The following BCL7C variants were observed in gnomAD, a reference collection of about 807,000 sequenced individuals.
The protein encoded by BCL7C is B-cell CLL/lymphoma 7 protein family member C.
In BCL7C, 8 loss-of-function variants were observed where a neutral mutation model predicts 26.2. That is an observed-to-expected ratio of 0.30 (90% CI 0.18 to 0.55). The LOEUF (loss-of-function observed/expected upper bound fraction) is 0.55, where lower values mean the gene tolerates loss of function less well. Among genes scored for constraint, BCL7C ranks in the 20% least tolerant of loss-of-function variants. The probability of loss-of-function intolerance (pLI) is 0.93; values close to 1 mark genes in which losing one functional copy is unlikely to be tolerated. For missense variants in BCL7C, 262 were observed against 298.5 expected (o/e 0.88, Z 0.90); for synonymous variants, 90 against 116.5 (o/e 0.77, Z 1.47).
At chr16:30,841,651 G>C (rs1465842984) in intron 5 of BCL7C, among the ~76,000 whole-genome samples, 1 of 152,000 alleles carries the variant, frequency 6.6e-6, no homozygotes, top group Non-Finnish European at 1.5e-5. Flanking sequence ...AATACAGAGG[G>C]CTGTGTAAAG....
downstream of BCL7C, among the ~76,000 whole-genome samples, chr16:30,886,094 C>T (rs1445855502): frequency 1.3e-5 from 2 of 152,292 alleles, no homozygotes; most frequent in Non-Finnish European, 2.9e-5. Context: ...CCCACCTGTG[C>T]CTCTCAAAGG....
In BCL7C at chr16:30,841,622, G is replaced by A. The variant is rs746819660; in HGVS notation, c.529-6474C>T. Among the ~76,000 whole-genome samples, 8 of 151,996 alleles carry A rather than the reference G, an allele frequency of 5.3e-5. No individual in the cohort carries two copies. The East Asian group carries it at 5.8e-4, about 11-fold the overall frequency. ...ACCCGACAACCAGTCCCCCTTTCTCGTTATCTCTTTTACCAATAAATACAG... is the reference window on the plus strand; with the variant it reads ...ACCCGACAACCAGTCCCCCTTTCTCATTATCTCTTTTACCAATAAATACAG... On this transcript the variant is annotated intron_variant, in intron 5 of 5. Transcript: ENST00000380317.
intron 4 of BCL7C, among the ~76,000 whole-genome samples, chr16:30,891,416 T>G (rs1260911527): frequency 1.3e-5 from 2 of 151,968 alleles, no homozygotes; most frequent in South Asian, 4.2e-4. Flanking sequence ...GAGCCAAGAT[T>G]GTGCCGTCGC....
chr16:30,887,938 G>A lies in BCL7C; in HGVS notation c.581C>T (p.Ala194Val). Residue 194 changes from alanine (A) to valine (V), a missense_variant, in exon 6 of 6, where the codon GCC becomes GTC. Ala to Val is a moderately conservative substitution (Grantham distance 64). Transcript: ENST00000215115. ...FEPVPPVPEA[A>V]QGDTEDSEGA... is the part of the protein sequence containing the mutation. ...CTCCGAGTCCTCTGTGTCACCCTGG[G>A]CTGCCTCAGGGACAGGTGGCACTGG... The A allele has an allele frequency of 6.2e-7, 1 of 1,606,736 alleles. No homozygotes were observed. The highest frequency in any genetic ancestry group is 1.1e-5 in the South Asian group (1 of 89,834).
chr16:30,881,955 T>G (rs1402404126), intron 5 of BCL7C, among the ~76,000 whole-genome samples: 1 of 152,154 alleles, frequency 6.6e-6, no homozygotes, highest in East Asian at 1.9e-4. Flanking sequence ...GCAGGGATTT[T>G]TTTTTTTCCT....
intron 4 of BCL7C, among the ~76,000 whole-genome samples, chr16:30,890,176 A>G (rs1188587167): frequency 6.6e-6 from 1 of 151,744 alleles, no homozygotes; most frequent in African/African-American, 2.4e-5. Context: ...CAGGTGGATC[A>G]CGAGGTCAGG....
chr16:30,860,306 A>G (rs2054759955), intron 5 of BCL7C, among the ~76,000 whole-genome samples: 1 of 152,040 alleles, frequency 6.6e-6, no homozygotes, highest in African/African-American at 2.4e-5. Context: ...TTGGTCATTC[A>G]CCCACATTCC....
At chr16:30,883,373 C>T (rs2055071748), downstream of BCL7C, among the ~76,000 whole-genome samples, 1 of 151,780 alleles carries the variant, frequency 6.6e-6, no homozygotes, top group Admixed American at 6.6e-5. Flanking sequence ...TTTTAAGATA[C>T]AGGGTCTCGT....
At chr16:30,866,398 G>C (rs146970602) in intron 5 of BCL7C, among the ~76,000 whole-genome samples, 1,805 of 152,104 alleles carry the variant, frequency 0.012, 28 homozygotes, top group African/African-American at 0.039. Context: ...CGAACATGGT[G>C]AAACGCTGTC....
intron 5 of BCL7C, among the ~76,000 whole-genome samples, chr16:30,836,397 G>A (rs1249295720): frequency 6.6e-6 from 1 of 151,952 alleles, no homozygotes; most frequent in African/African-American, 2.4e-5. Flanking sequence ...ACTTTAGCCT[G>A]AGAGGTCTGA....
intron 5 of BCL7C, among the ~76,000 whole-genome samples, chr16:30,858,947 C>T (rs564333868): frequency 8.5e-5 from 13 of 152,210 alleles, no homozygotes; most frequent in East Asian, 7.7e-4. Context: ...TATAAGGGAA[C>T]GAGAATCCTC....
chr16:30,856,028 C>G (rs570917663), intron 5 of BCL7C, among the ~76,000 whole-genome samples: 116 of 144,864 alleles, frequency 8.0e-4, no homozygotes, highest in Non-Finnish European at 1.5e-3. Flanking sequence ...CACCATTGCA[C>G]TCCAGCCTGG....
chr16:30,859,347 G>C (rs1012456152), intron 5 of BCL7C, among the ~76,000 whole-genome samples: 2 of 152,178 alleles, frequency 1.3e-5, no homozygotes, highest in Non-Finnish European at 2.9e-5. Context: ...TCCCACCATG[G>C]TGGTTTACAC....
In BCL7C at chr16:30,837,177, T is replaced by C. The variant is rs1040652444; in HGVS notation, c.529-2029A>G. Among the ~76,000 whole-genome samples the C allele has an allele frequency of 5.3e-5, 8 of 152,268 alleles. No individual in the cohort carries two copies. In the South Asian group the frequency reaches 1.5e-3, roughly 28 times the overall value. On this transcript the variant is annotated intron_variant, in intron 5 of 5. Transcript: ENST00000380317. Reference sequence around the variant, plus strand: ...CCCTACTGACACTTATGTATATCCTTAATGCCCAGTTGTTGGTGCCTAATA... The same window carrying C: ...CCCTACTGACACTTATGTATATCCTCAATGCCCAGTTGTTGGTGCCTAATA...
chr16:30,856,925 T>C (rs1215481476), intron 5 of BCL7C, among the ~76,000 whole-genome samples: 1 of 152,262 alleles, frequency 6.6e-6, no homozygotes, highest in Admixed American at 6.5e-5. Flanking sequence ...GGCATGGTTT[T>C]CTTTCCTTTT....
intron 5 of BCL7C, among the ~76,000 whole-genome samples, chr16:30,882,430 C>T (rs1349634504): frequency 6.6e-6 from 1 of 152,270 alleles, no homozygotes; most frequent in African/African-American, 2.4e-5. Flanking sequence ...CACCACTTCA[C>T]GACATAGCAG....
At chr16:30,868,509 G>A (rs1466723321) in intron 5 of BCL7C, among the ~76,000 whole-genome samples, 1 of 151,280 alleles carries the variant, frequency 6.6e-6, no homozygotes, top group Non-Finnish European at 1.5e-5. Context: ...CAATAGGCCA[G>A]GCGCGGTGGC....
intron 5 of BCL7C, among the ~76,000 whole-genome samples, chr16:30,843,740 C>T (rs114200642): frequency 0.023 from 3,443 of 151,912 alleles, 121 homozygotes; most frequent in African/African-American, 0.079. Flanking sequence ...CCAGTCCCTG[C>T]TCAAAACTAG....
intron 5 of BCL7C, among the ~76,000 whole-genome samples, chr16:30,863,982 G>A (rs552546145): frequency 3.3e-5 from 5 of 152,050 alleles, no homozygotes; most frequent in Admixed American, 1.3e-4. Context: ...TCTTATTCTC[G>A]TTCCCATTCT....
Sources: allele counts gnomAD v4.1 joint callset (sites outside exome capture counted in the v4.1 genomes callset), GRCh38; gene constraint gnomAD v4.1.1; transcripts MANE v1.5; gene names NCBI Gene and HGNC (gene_info 2026-07-23, HGNC 2026-07-21).